The following SUMF1 variants were observed in gnomAD, a reference collection of about 807,000 sequenced individuals.
The protein encoded by SUMF1 is sulfatase modifying factor 1.
In SUMF1, 48 loss-of-function variants were observed where a neutral mutation model predicts 47.6. The ratio of observed to expected loss-of-function variants is 1.01; its 90% CI spans 0.80 to 1.28. The LOEUF (loss-of-function observed/expected upper bound fraction) is 1.28. SUMF1 is among the 50% of genes most tolerant of loss of function. SUMF1 has a pLI of 0.00. For synonymous variants in SUMF1, 230 were observed against 192.1 expected, an observed-to-expected ratio of 1.20 and a Z score of -1.63; for missense variants, 571 against 485.4, an observed-to-expected ratio of 1.18 and a Z score of -1.66.
chr3:4,402,354 G>C (rs1413255143), intron 7 of SUMF1, among the ~76,000 whole-genome samples: 4 of 152,182 alleles, frequency 2.6e-5, no homozygotes, highest in Non-Finnish European at 4.4e-5. Flanking sequence ...CCAACTGGTA[G>C]AGAACAGAGG....
In SUMF1 at chr3:4,254,279, C is replaced by G. The variant is rs369541975; in HGVS notation, c.1014+122051G>C. On this transcript the variant is annotated intron_variant and NMD_transcript_variant, in intron 8 of 12. Transcript: ENST00000448413. ...CTGGATGGAGAATGACTTTGACGAG[C>G]TGAGAGAAGAAGGCTTCAGACGATC... Among the ~76,000 whole-genome samples the G allele has an allele frequency of 3.8e-4, 58 of 151,896 alleles. No individual in the cohort carries two copies. In the East Asian group the frequency reaches 5.0e-3, roughly 13 times the overall value.
At chr3:4,108,779 A>T (rs1306821146) in intron 8 of SUMF1, among the ~76,000 whole-genome samples, 1 of 152,060 alleles carries the variant, frequency 6.6e-6, no homozygotes, top group East Asian at 1.9e-4. Context: ...TTTGCTTGGT[A>T]GATCTTCCTC....
chr3:4,331,323 C>G (rs541156477), intron 8 of SUMF1, among the ~76,000 whole-genome samples: 1,653 of 151,836 alleles, frequency 0.011, 21 homozygotes, highest in African/African-American at 0.036. Flanking sequence ...AAAACATGTC[C>G]TACTTCCCTT....
chr3:4,344,298 C>T (rs920344816), intron 8 of SUMF1, among the ~76,000 whole-genome samples: 5 of 152,300 alleles, frequency 3.3e-5, no homozygotes, highest in African/African-American at 1.2e-4. Context: ...GTCAGTGCCC[C>T]TCGAGGGCAG....
chr3:4,301,080 A>G (rs1429221982), intron 8 of SUMF1, among the ~76,000 whole-genome samples: 1 of 152,216 alleles, frequency 6.6e-6, no homozygotes, highest in African/African-American at 2.4e-5. Flanking sequence ...AAATAGTTGC[A>G]GGGAACATAA....
At chr3:4,258,901 C>T (rs11129962) in intron 8 of SUMF1, among the ~76,000 whole-genome samples, 2 of 121,098 alleles carry the variant, frequency 1.7e-5, no homozygotes, top group South Asian at 4.9e-4. Flanking sequence ...AAGAAAATGT[C>T]GCACATATAC....
At chr3:4,284,985 C>A (rs1317580313) in intron 8 of SUMF1, among the ~76,000 whole-genome samples, 2 of 152,134 alleles carry the variant, frequency 1.3e-5, no homozygotes, top group African/African-American at 4.8e-5. Context: ...AATAAAGTCT[C>A]TAATAACCGC....
At chr3:4,037,439 C>G (rs375803629) in intron 9 of SUMF1, among the ~76,000 whole-genome samples, 3 of 152,160 alleles carry the variant, frequency 2.0e-5, no homozygotes, top group African/African-American at 7.2e-5. Context: ...TAAAATTTCA[C>G]ATATGCCAAT....
chr3:4,239,423 A>G (rs1696487156), intron 8 of SUMF1, among the ~76,000 whole-genome samples: 1 of 152,030 alleles, frequency 6.6e-6, no homozygotes, highest in African/African-American at 2.4e-5. Context: ...ATGTTTTCCC[A>G]TTTGTTTGTG....
At chr3:4,101,402 A>C (rs567874288) in intron 8 of SUMF1, among the ~76,000 whole-genome samples, 1 of 152,244 alleles carries the variant, frequency 6.6e-6, no homozygotes, top group East Asian at 1.9e-4. Flanking sequence ...AGGCACAGAG[A>C]CAAATATGTG....
At chr3:4,125,313 T>A (rs1156284812) in intron 8 of SUMF1, among the ~76,000 whole-genome samples, 1 of 152,162 alleles carries the variant, frequency 6.6e-6, no homozygotes, top group African/African-American at 2.4e-5. Context: ...AGCACAGATA[T>A]AGAACATTTC....
rs369536687 is a variant in SUMF1 at position 4,399,385 on chromosome 3, TC to T, written c.954+11479del. Among the ~76,000 whole-genome samples the T allele has an allele frequency of 3.4e-3, 511 of 151,898 alleles. 6 individuals carry two copies. Among genetic ancestry groups the T allele is most frequent in the African/African-American group, 0.012 (492 of 41,402 alleles). On this transcript the variant is annotated intron_variant, in intron 7 of 8. Coordinates refer to ENST00000272902, the MANE Select transcript of SUMF1 (RefSeq NM_182760.4). ...TCTTTAAGTTGACGGAGACCACTCT[TC>T]CCCCCCAAACCATTTGTGATGACTC...
chr3:4,355,633 C>G (rs976608959), intron 8 of SUMF1, among the ~76,000 whole-genome samples: 4 of 152,178 alleles, frequency 2.6e-5, no homozygotes, highest in Non-Finnish European at 4.4e-5. Flanking sequence ...TTCACAGCTT[C>G]TAGCATTACC....
rs1000395184 is a variant in SUMF1, at chr3:4,114,655, T to C, written c.1015-45910A>G. Among the ~76,000 whole-genome samples the C allele has an allele frequency of 5.3e-5, 8 of 152,248 alleles. No homozygotes were observed. In the South Asian group the frequency reaches 1.2e-3, roughly 24 times the overall value. ...TACTTCAGCTGATCTGGAGTTACTT[T>C]GGGTAAGGAGAGGCTAAACTGGAGG... On this transcript the variant is annotated intron_variant and NMD_transcript_variant, in intron 8 of 12. Coordinates refer to the SUMF1 transcript ENST00000448413.
At chr3:4,252,560 T>G (rs1331656953) in intron 8 of SUMF1, among the ~76,000 whole-genome samples, 1 of 152,180 alleles carries the variant, frequency 6.6e-6, no homozygotes, top group Admixed American at 6.5e-5. Context: ...ATTACCAGCC[T>G]GCCTTTTTGC....
chr3:4,432,716 C>T (rs541995144), intron 3 of SUMF1, among the ~76,000 whole-genome samples: 3 of 152,268 alleles, frequency 2.0e-5, no homozygotes, highest in Admixed American at 6.5e-5. Flanking sequence ...AATCGCAGTC[C>T]GTCATCACAG....
intron 8 of SUMF1, among the ~76,000 whole-genome samples, chr3:4,273,746 A>G (rs1431650934): frequency 2.1e-4 from 2 of 9,680 alleles, no homozygotes; most frequent in Non-Finnish European, 1.9e-4. Flanking sequence ...AGGATACGGG[A>G]GGGAGGATAC....
At chr3:4,321,397 A>T (rs886919793) in intron 8 of SUMF1, among the ~76,000 whole-genome samples, 1 of 149,516 alleles carries the variant, frequency 6.7e-6, no homozygotes, top group Non-Finnish European at 1.5e-5. Context: ...GAAATGGCTA[A>T]TTCTGCTACT....
In SUMF1 at chr3:4,464,276, C is replaced by CT. The variant is rs10580690; in HGVS notation, c.270+2699dup. On this transcript the variant is annotated intron_variant, in intron 1 of 8. Coordinates refer to ENST00000272902, the MANE Select transcript of SUMF1 (RefSeq NM_182760.4). ...CTCCAAGGCCTAGCTCAAATGTGGCCTTTTTTTTTTTGAGGCACTACTCGA... is the reference window on the plus strand; with the variant it reads ...CTCCAAGGCCTAGCTCAAATGTGGCCTTTTTTTTTTTTGAGGCACTACTCGA... 1.8e-3 allele frequency among the ~76,000 whole-genome samples: 267 copies of CT among 148,760 alleles called. 1 individual carries two copies. Among genetic ancestry groups the CT allele is most frequent in the Non-Finnish European group, 2.8e-3 (191 of 67,024 alleles).
Sources: allele counts gnomAD v4.1 joint callset (sites outside exome capture counted in the v4.1 genomes callset), GRCh38; gene constraint gnomAD v4.1.1; transcripts MANE v1.5; gene names NCBI Gene and HGNC (gene_info 2026-07-23, HGNC 2026-07-21).